CDH12: variants seen among roughly 807,000 people sequenced by gnomAD.
CDH12 encodes cadherin 12, also known as cadherin-12.
In CDH12, 41 loss-of-function variants were observed where a neutral mutation model predicts 74.1. That is an observed-to-expected ratio of 0.55 (90% CI 0.43 to 0.72). The LOEUF (loss-of-function observed/expected upper bound fraction) is 0.72, where lower values mean the gene tolerates loss of function less well. Ranked by LOEUF, CDH12 falls within the 30% of genes least tolerant of loss-of-function variation. CDH12 has a pLI of 0.00. For missense variants in CDH12, 945 were observed against 977.2 expected (o/e 0.97, Z 0.44); for synonymous variants, 399 against 355.0 (o/e 1.12, Z -1.39).
chr5:22,418,753 A>G (rs1265590341), intron 2 of CDH12, among the ~76,000 whole-genome samples: 1 of 152,084 alleles, frequency 6.6e-6, no homozygotes, highest in African/African-American at 2.4e-5. Context: ...GCATGGTGGC[A>G]GGCTCCTGTA....
intron 1 of CDH12, among the ~76,000 whole-genome samples, chr5:22,799,252 C>A (rs1385809200): frequency 1.3e-5 from 2 of 152,082 alleles, no homozygotes; most frequent in African/African-American, 4.8e-5. Flanking sequence ...CAGTATTTAG[C>A]ACTTGCTAAA....
chr5:22,145,857 A>G (rs1747137880), intron 4 of CDH12, among the ~76,000 whole-genome samples: 1 of 152,126 alleles, frequency 6.6e-6, no homozygotes, highest in Non-Finnish European at 1.5e-5. Context: ...AAGTATTGAG[A>G]TGAGAATATA....
At chr5:22,007,453 T>A (rs1336199182) in intron 5 of CDH12, among the ~76,000 whole-genome samples, 1 of 137,662 alleles carries the variant, frequency 7.3e-6, no homozygotes, top group Non-Finnish European at 1.5e-5. Context: ...ATATACAACT[T>A]TTTTTTAGTT....
Position 22,762,620 on chromosome 5 carries a change from T to C in CDH12, c.-523+90438A>G, listed in dbSNP as rs143481413. Among the ~76,000 whole-genome samples the C allele has an allele frequency of 9.2e-5, 14 of 151,576 alleles. No individual in the cohort carries two copies. In the East Asian group the frequency reaches 2.6e-3, roughly 28 times the overall value. On this transcript the variant is annotated intron_variant, in intron 1 of 14. Transcript: ENST00000382254. The stretch of plus-strand genomic sequence containing the variant: ...ATCCACATAGCTAAAGGATTGGGAC[T>C]GAGAACTAAGATCGTTGGGTCAAAT...
At chr5:21,849,079 A>T (rs937553913) in intron 7 of CDH12, among the ~76,000 whole-genome samples, 1 of 151,888 alleles carries the variant, frequency 6.6e-6, no homozygotes, top group Non-Finnish European at 1.5e-5. Context: ...ATGAGTTATC[A>T]TTCTTATATA....
intron 1 of CDH12, among the ~76,000 whole-genome samples, chr5:22,842,451 A>T (rs1737119875): frequency 6.6e-6 from 1 of 152,144 alleles, no homozygotes; most frequent in South Asian, 2.1e-4. Flanking sequence ...ATTAGAGTGT[A>T]TGCAAGAGAG....
chr5:22,005,235 G>T (rs975731016), intron 5 of CDH12, among the ~76,000 whole-genome samples: 4 of 152,164 alleles, frequency 2.6e-5, no homozygotes, highest in South Asian at 2.1e-4. Context: ...TAGAGTCAAG[G>T]TTTCGCCATG....
chr5:21,863,416 C>T (rs1027628016), intron 6 of CDH12, among the ~76,000 whole-genome samples: 1 of 152,152 alleles, frequency 6.6e-6, no homozygotes, highest in African/African-American at 2.4e-5. Context: ...TTTCAAAACT[C>T]AGTACATGTT....
intron 1 of CDH12, among the ~76,000 whole-genome samples, chr5:22,559,463 C>T (rs1167695441): frequency 1.3e-5 from 2 of 152,028 alleles, no homozygotes; most frequent in Non-Finnish European, 2.9e-5. Context: ...ATCAGAAATA[C>T]ACCAACATAT....
intron 2 of CDH12, among the ~76,000 whole-genome samples, chr5:22,418,694 G>T (rs1743504276): frequency 6.6e-6 from 1 of 152,010 alleles, no homozygotes; most frequent in Non-Finnish European, 1.5e-5. Flanking sequence ...GACCAGCCTG[G>T]CCAACATGGT....
chr5:22,229,446 CAAAA>C (rs71609756), intron 3 of CDH12, among the ~76,000 whole-genome samples: 2 of 100,914 alleles, frequency 2.0e-5, no homozygotes, highest in Non-Finnish European at 2.0e-5. Context: ...GACTCCGTCT[CAAAA>C]AAAAAAAAAA....
chr5:22,271,241 G>T (rs1378926222), intron 3 of CDH12, among the ~76,000 whole-genome samples: 1 of 152,086 alleles, frequency 6.6e-6, no homozygotes, highest in African/African-American at 2.4e-5. Context: ...ATCTTCACCA[G>T]GAGTAGATTC....
At chr5:22,612,885 G>A (rs886989283) in intron 1 of CDH12, among the ~76,000 whole-genome samples, 3 of 152,034 alleles carry the variant, frequency 2.0e-5, no homozygotes, top group Admixed American at 6.6e-5. Context: ...TAAAGGATTA[G>A]GTGACCAAAA....
intron 8 of CDH12, among the ~76,000 whole-genome samples, chr5:21,831,815 C>T (rs1402316238): frequency 6.6e-6 from 1 of 151,700 alleles, no homozygotes; most frequent in African/African-American, 2.4e-5. Context: ...AATTTGTTTG[C>T]CTGTTTAGGA....
At chr5:21,991,128 G>T (rs958266719) in intron 5 of CDH12, among the ~76,000 whole-genome samples, 4 of 151,624 alleles carry the variant, frequency 2.6e-5, no homozygotes, top group Non-Finnish European at 5.9e-5. Context: ...ACTTTCGACT[G>T]CCCATTAGTA....
At chr5:22,774,222 A>G (rs1044911744) in intron 1 of CDH12, among the ~76,000 whole-genome samples, 4 of 152,178 alleles carry the variant, frequency 2.6e-5, no homozygotes, top group African/African-American at 4.8e-5. Context: ...TGTGGAATCA[A>G]TCTAGGTGCC....
chr5:22,565,075 A>G (rs1219423942), intron 1 of CDH12, among the ~76,000 whole-genome samples: 1 of 152,132 alleles, frequency 6.6e-6, no homozygotes. Flanking sequence ...AGCTGGGACT[A>G]CAGGTGAGTG....
intron 6 of CDH12, among the ~76,000 whole-genome samples, chr5:21,965,654 A>G (rs929502316): frequency 2.0e-5 from 3 of 151,532 alleles, no homozygotes; most frequent in Non-Finnish European, 4.4e-5. Context: ...AATAGTGCCA[A>G]CCTGTGATAC....
intron 9 of CDH12, among the ~76,000 whole-genome samples, chr5:21,809,023 A>C (rs1747593788): frequency 6.6e-6 from 1 of 152,108 alleles, no homozygotes; most frequent in Non-Finnish European, 1.5e-5. Context: ...TTTGTAAACA[A>C]AAATATTTAA....
Sources: allele counts gnomAD v4.1 joint callset (sites outside exome capture counted in the v4.1 genomes callset), GRCh38; gene constraint gnomAD v4.1.1; transcripts MANE v1.5; gene names NCBI Gene and HGNC (gene_info 2026-07-23, HGNC 2026-07-21).